NDST4: variants seen among roughly 807,000 people sequenced by gnomAD.
The protein encoded by NDST4 is N-deacetylase and N-sulfotransferase 4.
In NDST4, 63 loss-of-function variants were observed where a neutral mutation model predicts 100.8. The ratio of observed to expected loss-of-function variants is 0.62; its 90% CI spans 0.51 to 0.77. The LOEUF is 0.77. Ranked by LOEUF, NDST4 falls within the 30% of genes least tolerant of loss-of-function variation. The pLI is 0.00. For synonymous variants in NDST4, 377 were observed against 361.8 expected, an observed-to-expected ratio of 1.04 and a Z score of -0.48; for missense variants, 943 against 1,018.4, an observed-to-expected ratio of 0.93 and a Z score of 1.01.
intron 12 of NDST4, among the ~76,000 whole-genome samples, chr4:114,832,373 C>T (rs749929771): frequency 6.6e-6 from 1 of 152,124 alleles, no homozygotes; most frequent in African/African-American, 2.4e-5. Flanking sequence ...TAATCTGCTG[C>T]GAACTGGGAA....
intron 1 of NDST4, among the ~76,000 whole-genome samples, chr4:115,078,473 A>AT (rs1729236050): frequency 6.6e-6 from 1 of 152,246 alleles, no homozygotes; most frequent in African/African-American, 2.4e-5. Context: ...AGAAAAGGTC[A>AT]TTTTTTGTTA....
intron 3 of NDST4, among the ~76,000 whole-genome samples, chr4:114,976,493 G>T (rs956102165): frequency 6.6e-6 from 1 of 151,972 alleles, no homozygotes; most frequent in African/African-American, 2.4e-5. Context: ...CAGCATTTTG[G>T]AGGTGAGGGT....
chr4:115,046,010 C>T (rs1211353102), intron 2 of NDST4, among the ~76,000 whole-genome samples: 2 of 152,092 alleles, frequency 1.3e-5, no homozygotes, highest in Non-Finnish European at 2.9e-5. Flanking sequence ...GTTTTTTCTG[C>T]TAATAGCTCA....
chr4:114,879,313 C>T (rs983812092), intron 6 of NDST4, among the ~76,000 whole-genome samples: 1 of 152,120 alleles, frequency 6.6e-6, no homozygotes, highest in African/African-American at 2.4e-5. Context: ...CCTCTGACAG[C>T]TGCAGTTAAA....
At chr4:114,924,086 A>G (rs530064545) in intron 6 of NDST4, among the ~76,000 whole-genome samples, 1 of 152,140 alleles carries the variant, frequency 6.6e-6, no homozygotes, top group Non-Finnish European at 1.5e-5. Flanking sequence ...TTTCATGAGA[A>G]GACAGAGTTC....
intron 1 of NDST4, 126 bp from the exon 2 acceptor site, chr4:115,077,408 A>G (rs1405152865): frequency 1.3e-5 from 2 of 158,120 alleles, no homozygotes; most frequent in Non-Finnish European, 2.8e-5. Flanking sequence ...ATGCTAAAAT[A>G]TTAACAACCT....
At chr4:114,960,144 A>T (rs1042449299) in intron 4 of NDST4, among the ~76,000 whole-genome samples, 1 of 152,254 alleles carries the variant, frequency 6.6e-6, no homozygotes, top group African/African-American at 2.4e-5. Context: ...ATAGTAAATC[A>T]GTAATTGTAT....
chr4:115,084,454 G>T (rs1015835759), intron 1 of NDST4, among the ~76,000 whole-genome samples: 4 of 152,222 alleles, frequency 2.6e-5, no homozygotes, highest in African/African-American at 9.6e-5. Flanking sequence ...TAATCACCAA[G>T]ACAATGGGGA....
chr4:114,905,918 C>G lies in NDST4; in HGVS notation c.1536+29288G>C, dbSNP rs527605020. ...TTTTGCTCAACAGCCCTCTCTTTGACACATGTTCATTTATTACTATTTCTT... is the reference window on the plus strand; with the variant it reads ...TTTTGCTCAACAGCCCTCTCTTTGAGACATGTTCATTTATTACTATTTCTT... On this transcript the variant is annotated intron_variant, in intron 6 of 13. Coordinates refer to ENST00000264363, the MANE Select transcript of NDST4 (RefSeq NM_022569.3). Among the ~76,000 whole-genome samples the G allele has an allele frequency of 2.3e-4, 35 of 152,032 alleles. No homozygotes were observed. The South Asian group carries it at 7.3e-3, about 32-fold the overall frequency.
At chr4:115,081,548 A>T (rs1729303128) in intron 1 of NDST4, among the ~76,000 whole-genome samples, 1 of 152,204 alleles carries the variant, frequency 6.6e-6, no homozygotes, top group South Asian at 2.1e-4. Context: ...TTAAGTCGTT[A>T]CCATAAGTCG....
At chr4:115,067,591 T>G (rs1159658233) in intron 2 of NDST4, among the ~76,000 whole-genome samples, 1 of 151,942 alleles carries the variant, frequency 6.6e-6, no homozygotes, top group Non-Finnish European at 1.5e-5. Context: ...ATAATAGGTT[T>G]CTTCTTTTCT....
intron 6 of NDST4, among the ~76,000 whole-genome samples, chr4:114,878,706 A>G (rs893543159): frequency 6.6e-6 from 1 of 152,118 alleles, no homozygotes; most frequent in South Asian, 2.1e-4. Flanking sequence ...GTGATGCCCA[A>G]ATGAGTCGAG....
chr4:114,966,602 C>A (rs1389467181), intron 4 of NDST4, among the ~76,000 whole-genome samples: 1 of 151,904 alleles, frequency 6.6e-6, no homozygotes, highest in East Asian at 1.9e-4. Context: ...CTCTGACAGC[C>A]AAGGTCATAT....
chr4:114,831,818 C>T (rs1338967982), intron 12 of NDST4, among the ~76,000 whole-genome samples: 1 of 152,156 alleles, frequency 6.6e-6, no homozygotes, highest in Non-Finnish European at 1.5e-5. Flanking sequence ...TAACAAAGGA[C>T]ATTTATCCTC....
intron 12 of NDST4, among the ~76,000 whole-genome samples, chr4:114,832,552 T>C (rs1032696090): frequency 1.3e-5 from 2 of 152,210 alleles, no homozygotes; most frequent in African/African-American, 2.4e-5. Flanking sequence ...TTTTTAATTA[T>C]AAAAATATAT....
rs1723845254 is a variant in NDST4, at chr4:114,858,441, G to A, written c.1720-5620C>T. On this transcript the variant is annotated intron_variant, in intron 7 of 13. Transcript: ENST00000264363. ...AAGGAAGCATGGCAGTAGGCATATG[G>A]CCCTGAAAGTCACTGGTCCTATTAA... is the stretch of plus-strand genomic sequence containing the variant. 2.0e-5 allele frequency among the ~76,000 whole-genome samples: 3 copies of A among 152,248 alleles called. No individual in the cohort carries two copies. The South Asian group carries it at 6.2e-4, about 32-fold the overall frequency.
chr4:114,912,963 T>G (rs896769047), intron 6 of NDST4, among the ~76,000 whole-genome samples: 46 of 152,052 alleles, frequency 3.0e-4, no homozygotes, highest in Non-Finnish European at 5.7e-4. Flanking sequence ...ATATCCATCT[T>G]TACTCAATTT....
chr4:114,940,788 G>A (rs978074281), intron 4 of NDST4, among the ~76,000 whole-genome samples: 2 of 152,136 alleles, frequency 1.3e-5, no homozygotes, highest in Admixed American at 6.5e-5. Flanking sequence ...GTCCATGGTC[G>A]AACACTTCTC....
intron 2 of NDST4, among the ~76,000 whole-genome samples, chr4:115,031,465 G>C (rs1578469065): frequency 2.0e-5 from 3 of 152,130 alleles, no homozygotes; most frequent in Admixed American, 2.0e-4. Flanking sequence ...TCTTCACTCT[G>C]GTGTAGAGTA....
Sources: allele counts gnomAD v4.1 joint callset (sites outside exome capture counted in the v4.1 genomes callset), GRCh38; gene constraint gnomAD v4.1.1; transcripts MANE v1.5; gene names NCBI Gene and HGNC (gene_info 2026-07-23, HGNC 2026-07-21).